EVC2: variants seen among roughly 807,000 people sequenced by gnomAD.
The protein encoded by EVC2 is limbin.
A neutral mutation model predicts 149.3 loss-of-function variants in EVC2; 148 were observed. The ratio of observed to expected loss-of-function variants is 0.99; its 90% CI spans 0.87 to 1.14. The LOEUF (loss-of-function observed/expected upper bound fraction) is 1.14, where lower values mean the gene tolerates loss of function less well. Ranked by LOEUF, EVC2 falls within the 50% of genes most tolerant of loss-of-function variation. The pLI, the probability that EVC2 is intolerant of heterozygous loss-of-function variation, is 0.00. For synonymous variants in EVC2, 776 were observed against 649.9 expected (o/e 1.19, Z -2.95); for missense variants, 1,854 against 1,627.3 (o/e 1.14, Z -2.40).
Position 5,691,324 on chromosome 4 carries a change from T to C in EVC2, c.460A>G (p.Ile154Val). 3.7e-6 allele frequency: 6 copies of C among 1,612,736 alleles called. No homozygotes were observed. Among genetic ancestry groups the C allele is most frequent in the Non-Finnish European group, 5.1e-6 (6 of 1,178,836 alleles). Residue 154 changes from isoleucine to valine, a missense_variant, in exon 4 of 22, where the codon ATT (isoleucine) becomes GTT (valine). Transcript: ENST00000344408. ...GAAGTCCCTTGAACTTCTCTTGAAA[T>C]GTCCCCATACTACAATAAAATGTAA... ...SPITHRLYGD[I>V]SREVQGTSEN... is the part of the protein sequence containing the mutation.
chr4:5,632,100 GCAATGTGTACAGGCACATGTGCACACA>G, intron 10 of EVC2, 68 bp from the exon 11 acceptor site: 5 of 1,597,616 alleles, frequency 3.1e-6, no homozygotes, highest in Non-Finnish European at 4.3e-6. Context: ...TGCATGCAAT[GCAATGTGTACAGGCACATGTGCACACA>G]CAATGTGTAC....
chr4:5,602,190 C>T (rs547742964), intron 16 of EVC2, among the ~76,000 whole-genome samples: 145 of 149,420 alleles, frequency 9.7e-4, no homozygotes, highest in Non-Finnish European at 1.7e-3. Context: ...TGGAGGCTGA[C>T]GCAGAAGAAT....
intron 9 of EVC2, among the ~76,000 whole-genome samples, chr4:5,659,997 G>A (rs1338540687): frequency 6.6e-6 from 1 of 152,158 alleles, no homozygotes; most frequent in African/African-American, 2.4e-5. Context: ...ATAATTAGCT[G>A]CTCACATCAC....
intron 17 of EVC2, among the ~76,000 whole-genome samples, chr4:5,583,972 C>T (rs1222714941): frequency 1.3e-5 from 2 of 151,914 alleles, no homozygotes; most frequent in African/African-American, 4.8e-5. Context: ...ATTCTCCTGC[C>T]TTAATAAGTA....
intron 21 of EVC2, among the ~76,000 whole-genome samples, chr4:5,543,858 T>C (rs1215938691): frequency 6.6e-6 from 1 of 152,178 alleles, no homozygotes; most frequent in Non-Finnish European, 1.5e-5. Flanking sequence ...CACCCCTGCA[T>C]AGCACATTTC....
chr4:5,592,868 G>T (rs1486904679), intron 16 of EVC2, among the ~76,000 whole-genome samples: 1 of 152,130 alleles, frequency 6.6e-6, no homozygotes, highest in Non-Finnish European at 1.5e-5. Flanking sequence ...GATGTGATAT[G>T]GTTTGGCTGT....
intron 9 of EVC2, among the ~76,000 whole-genome samples, chr4:5,659,599 T>G (rs1718751657): frequency 1.3e-5 from 2 of 152,086 alleles, no homozygotes; most frequent in South Asian, 4.2e-4. Flanking sequence ...TGCTAAACAC[T>G]CTTCAGGCAA....
rs16837475 is a variant in EVC2 at position 5,574,543 on chromosome 4, G to C, written c.3360+142C>G. On this transcript the variant is annotated intron_variant, in intron 19 of 21. Coordinates refer to ENST00000344408, the MANE Select transcript of EVC2 (RefSeq NM_147127.5). ...CCCTCTGTGTGCTGGGCCCATGCTA[G>C]AGCTTCGCACACATCTGCTCTGCAG... 37,671 of 818,440 alleles carry C rather than the reference G, an allele frequency of 0.046. 1,654 individuals carry two copies. The highest frequency in any genetic ancestry group is 0.18 in the African/African-American group (10,719 of 59,476). 50.7% of individuals were successfully genotyped at this position (818,440 alleles called of 1,614,324 possible). A position where few individuals can be genotyped will look rare whatever the true frequency, so the allele number is the denominator to read the frequency against.
At chr4:5,698,851 G>A (rs976815264) in intron 1 of EVC2, among the ~76,000 whole-genome samples, 1 of 152,248 alleles carries the variant, frequency 6.6e-6, no homozygotes, top group Non-Finnish European at 1.5e-5. Context: ...TATGTGAGTT[G>A]AGCGGGATGC....
chr4:5,706,495 G>T (rs982468623), intron 1 of EVC2, among the ~76,000 whole-genome samples: 2 of 142,588 alleles, frequency 1.4e-5, no homozygotes, highest in Non-Finnish European at 1.5e-5. Context: ...TGAATGAATG[G>T]ATGGATAGAT....
At chr4:5,561,509 G>A (rs1382779509), downstream of EVC2, among the ~76,000 whole-genome samples, 1 of 152,190 alleles carries the variant, frequency 6.6e-6, no homozygotes, top group Non-Finnish European at 1.5e-5. Flanking sequence ...TGAAAACGGT[G>A]CACAGCTGCT....
intron 3 of EVC2, among the ~76,000 whole-genome samples, chr4:5,693,778 G>A (rs764274038): frequency 3.3e-5 from 5 of 152,188 alleles, no homozygotes; most frequent in African/African-American, 1.2e-4. Context: ...CTGAACCCAC[G>A]TTACATAAAA....
chr4:5,632,365 T>C (rs1018761389), intron 10 of EVC2, among the ~76,000 whole-genome samples: 8 of 152,048 alleles, frequency 5.3e-5, no homozygotes, highest in Non-Finnish European at 1.2e-4. Context: ...GGCACACACA[T>C]AGACACACAC....
chr4:5,529,045 T>A, the EVC2 span, among the ~76,000 whole-genome samples: 1 of 152,184 alleles, frequency 6.6e-6, no homozygotes, highest in Non-Finnish European at 1.5e-5. The surrounding 1 kb of genome is among the most constrained non-coding windows in gnomAD (Gnocchi z 4.5). Flanking sequence ...TTACCCCTCA[T>A]GTTTCCACGG....
At chr4:5,550,277 C>T (rs543401424) in intron 21 of EVC2, among the ~76,000 whole-genome samples, 1 of 152,128 alleles carries the variant, frequency 6.6e-6, no homozygotes, top group Middle Eastern at 3.2e-3. Flanking sequence ...TCCATAGAGA[C>T]TTGTTGAATG....
chr4:5,634,961 A>C (rs904289014), intron 10 of EVC2, among the ~76,000 whole-genome samples: 25 of 150,288 alleles, frequency 1.7e-4, no homozygotes, highest in Non-Finnish European at 3.1e-4. Flanking sequence ...CAGTCTTCCC[A>C]TCCTTTAGCT....
intron 7 of EVC2, among the ~76,000 whole-genome samples, chr4:5,673,367 G>A (rs572834581): frequency 1.1e-4 from 17 of 152,218 alleles, no homozygotes; most frequent in African/African-American, 3.6e-4. Context: ...GGGACCCACC[G>A]CTGCAGTGAT....
rs57990371 is a variant in EVC2, at chr4:5,657,883, C to A, written c.1145+5224G>T. Reference sequence around the variant, plus strand: ...GACTCTTCAATCTCTGTGCCCTCTACACCTCCCACCCTGGCCTGGTCCTCT... The same window carrying A: ...GACTCTTCAATCTCTGTGCCCTCTAAACCTCCCACCCTGGCCTGGTCCTCT... On this transcript the variant is annotated intron_variant, in intron 9 of 21. Coordinates refer to ENST00000344408, the MANE Select transcript of EVC2 (RefSeq NM_147127.5). This position sits in a 1 kb window ranked among gnomAD's most constrained non-coding sequence, Gnocchi z 4.7. Among the ~76,000 whole-genome samples, 1 of 152,064 alleles carries A rather than the reference C, an allele frequency of 6.6e-6. No homozygotes were observed. The highest frequency in any genetic ancestry group is 1.5e-5 in the Non-Finnish European group (1 of 68,014).
chr4:5,686,682 C>T lies in EVC2; in HGVS notation c.707-1203G>A, dbSNP rs1720737211. ...TCATCTTTTCCCCAAACAACACTGG[C>T]TCTAATAAAAGAAAAGCACCAAATA... is the stretch of plus-strand genomic sequence containing the variant. On this transcript the variant is annotated intron_variant, in intron 5 of 21. Transcript: ENST00000344408. The surrounding 1 kb of genome is among the most constrained non-coding windows in gnomAD (Gnocchi z 5.4). 6.6e-6 allele frequency among the ~76,000 whole-genome samples: 1 copy of T among 152,048 alleles called. No individual in the cohort carries two copies. The highest frequency in any genetic ancestry group is 2.4e-5 in the African/African-American group (1 of 41,394).
Sources: gnomAD v4.1 joint callset for allele counts (sites outside exome capture counted in the v4.1 genomes callset) on GRCh38, gnomAD v4.1.1 for gene constraint, Gnocchi (gnomAD v3.1) non-coding constraint, MANE v1.5 for transcripts, NCBI Gene and HGNC (gene_info 2026-07-23, HGNC 2026-07-21) for gene names.